Variants in C5orf47 observed in about 807,000 individuals in gnomAD.
C5orf47 encodes the protein uncharacterized protein C5orf47.
Under a neutral mutation model 20.6 loss-of-function variants are expected in C5orf47, and 20 were observed. The observed-to-expected ratio is 0.97, with a 90% confidence interval of 0.68 to 1.41. C5orf47 has a LOEUF of 1.41. Ranked by LOEUF, C5orf47 falls within the 40% of genes most tolerant of loss-of-function variation. The pLI, the probability that C5orf47 is intolerant of heterozygous loss-of-function variation, is 0.00. For missense variants in C5orf47, 262 were observed against 238.4 expected (o/e 1.10, Z -0.65); for synonymous variants, 106 against 97.3 (o/e 1.09, Z -0.53).
chr5:173,998,670 C>G (rs1759142160), intron 2 of C5orf47, among the ~76,000 whole-genome samples: 1 of 152,150 alleles, frequency 6.6e-6, no homozygotes, highest in Non-Finnish European at 1.5e-5. Flanking sequence ...GAAGGATGAG[C>G]CACTGCTGCT....
At chr5:173,991,021 C>T (rs1448341100) in intron 1 of C5orf47, among the ~76,000 whole-genome samples, 1 of 152,148 alleles carries the variant, frequency 6.6e-6, no homozygotes, top group Non-Finnish European at 1.5e-5. Context: ...CACCATTCTC[C>T]CTATTTGCCC....
At chr5:174,003,413 G>C (rs1223965487) in intron 4 of C5orf47, among the ~76,000 whole-genome samples, 1 of 152,140 alleles carries the variant, frequency 6.6e-6, no homozygotes, top group Non-Finnish European at 1.5e-5. Context: ...GCTGAGTTTT[G>C]AGAGTGAATA....
At chr5:173,997,588 T>C (rs1390314074) in intron 1 of C5orf47, among the ~76,000 whole-genome samples, 1 of 152,106 alleles carries the variant, frequency 6.6e-6, no homozygotes, top group Non-Finnish European at 1.5e-5. Context: ...GGCTGAGTGC[T>C]ATGAAGAAGG....
intron 1 of C5orf47, among the ~76,000 whole-genome samples, chr5:173,991,507 GTTTTT>G (rs553188666): frequency 7.3e-6 from 1 of 137,802 alleles, no homozygotes; most frequent in African/African-American, 2.6e-5. Flanking sequence ...TTCAGTGTTT[GTTTTT>G]TTTTTTTTAT....
At chr5:173,998,757 G>T (rs1004477195) in intron 2 of C5orf47, among the ~76,000 whole-genome samples, 3 of 152,134 alleles carry the variant, frequency 2.0e-5, no homozygotes, top group Non-Finnish European at 4.4e-5. Context: ...CGGATGCTCT[G>T]CAAGTCTTTG....
intron 1 of C5orf47, among the ~76,000 whole-genome samples, 185 bp downstream of exon 1, chr5:173,989,773 G>A (rs1370108092): frequency 6.6e-6 from 1 of 152,240 alleles, no homozygotes; most frequent in Admixed American, 6.5e-5. Flanking sequence ...GCCAGCTGTG[G>A]CCGGCACGGG....
rs1425481033 is a variant in C5orf47, at chr5:174,004,311, A to G, written c.*57A>G. On this transcript the variant is annotated 3_prime_UTR_variant, in exon 5 of 5. Coordinates refer to ENST00000340147, the MANE Select transcript of C5orf47 (RefSeq NM_001144954.2). The stretch of plus-strand genomic sequence containing the variant: ...GGATGTTTCCCAAAGAAGAGTATGA[A>G]GAATCTAAAGATGAAACATTAAATG... The G allele has an allele frequency of 6.6e-6, 1 of 152,292 alleles. No individual in the cohort carries two copies. Among genetic ancestry groups the G allele is most frequent in the Non-Finnish European group, 1.5e-5 (1 of 68,028 alleles). The allele number at this position is 152,292 out of a possible 1,614,324, so 9.4% of individuals were successfully genotyped here. A position where few individuals can be genotyped will look rare whatever the true frequency, so the allele number is the denominator to read the frequency against.
downstream of C5orf47, among the ~76,000 whole-genome samples, chr5:174,007,350 A>G (rs1759307679): frequency 6.6e-6 from 1 of 152,210 alleles, no homozygotes. Flanking sequence ...AGGACTGTAG[A>G]CTACTACAAA....
At position 173,989,253 on chromosome 5, in the gene C5orf47, C is replaced by T. The variant is rs1758927092; in HGVS notation, c.-11C>T. On this transcript the variant is annotated 5_prime_UTR_variant, in exon 1 of 5. Transcript: ENST00000340147. The stretch of plus-strand genomic sequence containing the variant: ...TTGCTGAGGGCCCGGCTGCCGTTGA[C>T]TGAGGCTGCGATGGCGGCGGCAGGC... The T allele has an allele frequency of 2.9e-6, 4 of 1,382,020 alleles. No individual in the cohort carries two copies. Among genetic ancestry groups the T allele is most frequent in the Non-Finnish European group, 3.8e-6 (4 of 1,066,550 alleles). 85.6% of individuals were successfully genotyped at this position (1,382,020 alleles called of 1,614,324 possible). A position where few individuals can be genotyped will look rare whatever the true frequency, so the allele number is the denominator to read the frequency against.
At chr5:173,990,124 A>ATTT (rs1337236256) in intron 1 of C5orf47, among the ~76,000 whole-genome samples, 2 of 130,084 alleles carry the variant, frequency 1.5e-5, no homozygotes, top group Non-Finnish European at 1.6e-5. Flanking sequence ...ATAGGAAGCC[A>ATTT]ATTTTTTTTT....
chr5:173,989,895 C>T (rs1315318346), intron 1 of C5orf47, among the ~76,000 whole-genome samples: 3 of 152,168 alleles, frequency 2.0e-5, no homozygotes, highest in African/African-American at 4.8e-5. Context: ...ACTTCGCAAA[C>T]CCCCTCACCT....
intron 3 of C5orf47, among the ~76,000 whole-genome samples, 197 bp downstream of exon 3, chr5:173,999,996 A>G (rs1300621438): frequency 6.6e-6 from 1 of 152,044 alleles, no homozygotes; most frequent in Non-Finnish European, 1.5e-5. Context: ...CACAGAGAGC[A>G]CAGGTATAGG....
intron 1 of C5orf47, among the ~76,000 whole-genome samples, chr5:173,997,179 TG>T (rs1448442887): frequency 6.6e-6 from 1 of 152,172 alleles, no homozygotes. Flanking sequence ...GAGGGTGCTT[TG>T]TCAGATCAGA....
At chr5:174,004,052 T>G (rs1759244078) in intron 4 of C5orf47, among the ~76,000 whole-genome samples, 1 of 152,204 alleles carries the variant, frequency 6.6e-6, no homozygotes, top group Non-Finnish European at 1.5e-5. Flanking sequence ...CCAAGGGTAT[T>G]GGCAGGAGTT....
intron 1 of C5orf47, among the ~76,000 whole-genome samples, chr5:173,996,211 A>G (rs1759095235): frequency 6.6e-6 from 1 of 152,096 alleles, no homozygotes; most frequent in Non-Finnish European, 1.5e-5. Flanking sequence ...TGGATCAGTG[A>G]TGACAGTGAT....
At chr5:174,004,079 A>C (rs1473454144) in intron 4 of C5orf47, among the ~76,000 whole-genome samples, 192 bp from the exon 5 acceptor site, 1 of 152,218 alleles carries the variant, frequency 6.6e-6, no homozygotes, top group Admixed American at 6.5e-5. Context: ...GAAAAGAAAA[A>C]TATGAGTTAC....
intron 3 of C5orf47, among the ~76,000 whole-genome samples, chr5:174,000,229 C>T (rs1447887490): frequency 6.6e-6 from 1 of 151,950 alleles, no homozygotes; most frequent in East Asian, 1.9e-4. Context: ...CTACTTAATG[C>T]ATTTAACAAA....
In C5orf47 at chr5:173,997,270, G is replaced by A. The variant is rs145588531; in HGVS notation, c.326-883G>A. ...GTGGTGGTAGGGCAGGAACAAGGTG[G>A]GGAAGGGTTGAGGTGAGGGAATATT... On this transcript the variant is annotated intron_variant, in intron 1 of 4. Transcript: ENST00000340147. 1.7e-3 allele frequency among the ~76,000 whole-genome samples: 261 copies of A among 152,254 alleles called. 1 individual carries two copies. Among genetic ancestry groups the A allele is most frequent in the African/African-American group, 5.9e-3 (247 of 41,558 alleles).
chr5:174,000,446 G>C (rs182971695), intron 3 of C5orf47, among the ~76,000 whole-genome samples: 1 of 152,114 alleles, frequency 6.6e-6, no homozygotes, highest in African/African-American at 2.4e-5. Context: ...ATAATGCAAT[G>C]TGAATTGATA....
Sources: gnomAD v4.1 joint callset for allele counts (sites outside exome capture counted in the v4.1 genomes callset) on GRCh38, gnomAD v4.1.1 for gene constraint, MANE v1.5 for transcripts, NCBI Gene and HGNC (gene_info 2026-07-23, HGNC 2026-07-21) for gene names.